CLSPN: variants seen among roughly 807,000 people sequenced by gnomAD.
The protein encoded by CLSPN is claspin.
CLSPN carries 85 observed loss-of-function variants against 156.3 expected under a neutral mutation model. That is an observed-to-expected ratio of 0.54 (90% CI 0.46 to 0.65). The LOEUF is 0.65. CLSPN is among the 30% of genes least tolerant of loss of function. The pLI is 0.00. For missense variants in CLSPN, 1,407 were observed against 1,554.9 expected, an observed-to-expected ratio of 0.90 and a Z score of 1.60; for synonymous variants, 534 against 542.4, an observed-to-expected ratio of 0.98 and a Z score of 0.22.
Position 35,760,827 on chromosome 1 carries a change from G to A in CLSPN, c.1094C>T (p.Ser365Phe). 1.2e-6 allele frequency: 2 copies of A among 1,613,884 alleles called. No individual in the cohort carries two copies. The highest frequency in any genetic ancestry group is 2.2e-5 in the East Asian group (1 of 44,892). Residue 365 changes from serine to phenylalanine, a missense_variant, in exon 8 of 25, where the codon TCT (serine) becomes TTT (phenylalanine). Transcript: ENST00000318121. ...ATTTTCTGCACCTGTTGTCTGCTCA[G>A]AACCTTTACTATGGTGATCACTGTT... is the stretch of plus-strand genomic sequence containing the variant. ...EMNSDHHSKG[S>F]EQTTGAENEV...
At chr1:35,761,942 T>C (rs1642493492) in intron 6 of CLSPN, 56 bp downstream of exon 6, 1 of 1,196,944 alleles carries the variant, frequency 8.4e-7, no homozygotes, top group Admixed American at 1.8e-5. Context: ...AACATCCAAG[T>C]TGAGCTTACA....
In CLSPN at chr1:35,760,448, C is replaced by A. The variant is rs749242182; in HGVS notation, c.1473G>T (p.Arg491=). 3 of 1,614,156 alleles carry A rather than the reference C, an allele frequency of 1.9e-6. No individual in the cohort carries two copies. The South Asian group carries it at 3.3e-5, about 18-fold the overall frequency. ...SAVGPPEKVR[R]FTLDRLKQLG... ...GTTGCTTAAGTCTATCCAGAGTAAA[C>A]CGTCTCACTTTTTCAGGTGGCCCAA... is the stretch of plus-strand genomic sequence containing the variant. Residue 491 remains arginine (R), a synonymous_variant, in exon 8 of 25, where the codon CGG becomes CGT. Transcript: ENST00000318121.
At chr1:35,738,991 G>T in intron 20 of CLSPN, 145 bp downstream of exon 20, 1 of 891,986 alleles carries the variant, frequency 1.1e-6, no homozygotes. Flanking sequence ...AGTAGGGACG[G>T]GGTTTCACCA....
Position 35,751,308 on chromosome 1 carries a change from T to C in CLSPN, c.1970A>G (p.Glu657Gly). 4 of 1,589,864 alleles carry C rather than the reference T, an allele frequency of 2.5e-6. No homozygotes were observed. The highest frequency in any genetic ancestry group is 3.4e-6 in the Non-Finnish European group (4 of 1,166,906). ...TTTCTCCTCCTCTTCCTCTAGTTCT[T>C]CCTCTTTCTCTTCTTTCTCTACCTT... Reference protein sequence around the residue: ...EEKVEKEEKEEELEEEEEKEE... With the variant: ...EEKVEKEEKEGELEEEEEKEE... The change falls in exon 10 of 25, where the codon GAA (glutamate) becomes GGA (glycine). Residue 657 changes from glutamate to glycine, a missense_variant. Physicochemically the swap from Glu to Gly is moderately conservative, Grantham distance 98. Coordinates refer to ENST00000318121, the MANE Select transcript of CLSPN (RefSeq NM_022111.4).
At chr1:35,743,282 T>C in intron 17 of CLSPN, 41 bp from the exon 18 acceptor site, 1 of 1,505,596 alleles carries the variant, frequency 6.6e-7, no homozygotes, top group Non-Finnish European at 9.2e-7. Context: ...CAGAATAAAA[T>C]GCGTCCTCAA....
At chr1:35,741,701 G>T (rs988652161) in intron 18 of CLSPN, among the ~76,000 whole-genome samples, 9 of 152,176 alleles carry the variant, frequency 5.9e-5, no homozygotes, top group African/African-American at 2.2e-4. Flanking sequence ...CCGGCCAGGT[G>T]GGGTGGCTCA....
chr1:35,754,602 C>A (rs991384014), intron 8 of CLSPN, among the ~76,000 whole-genome samples: 9 of 152,178 alleles, frequency 5.9e-5, no homozygotes, highest in Non-Finnish European at 1.3e-4. Context: ...CCACCTTGGC[C>A]TCCCAAAGTG....
At chr1:35,749,933 A>C in intron 10 of CLSPN, 122 bp from the exon 11 acceptor site, 1 of 1,155,206 alleles carries the variant, frequency 8.7e-7, no homozygotes, top group Non-Finnish European at 1.2e-6. Context: ...AAAAAGGTAA[A>C]CTTGAAGGAA....
In CLSPN at chr1:35,734,788, AG is replaced by A; in HGVS notation, c.*1707del. 1.0e-6 allele frequency: 1 copy of A among 985,208 alleles called. No homozygotes were observed. Among genetic ancestry groups the A allele is most frequent in the Non-Finnish European group, 1.2e-6 (1 of 829,772 alleles). The allele number at this position is 985,208 out of a possible 1,614,324, so 61.0% of individuals were successfully genotyped here. A position where few individuals can be genotyped will look rare whatever the true frequency, so the allele number is the denominator to read the frequency against. On this transcript the variant is annotated 3_prime_UTR_variant, in exon 25 of 25. Coordinates refer to ENST00000318121, the MANE Select transcript of CLSPN (RefSeq NM_022111.4). ...AATTAAATTGGTGTTCCCATCTCCC[AG>A]TAAAAAACTGGCACACTCTCTTCCA...
chr1:35,729,092 G>GT (rs1641258820), downstream of CLSPN, among the ~76,000 whole-genome samples: 2 of 152,000 alleles, frequency 1.3e-5, no homozygotes, highest in South Asian at 4.1e-4. Flanking sequence ...GATAAATAAC[G>GT]TAAGTTAAAT....
downstream of CLSPN, among the ~76,000 whole-genome samples, chr1:35,730,814 C>T (rs546655407): frequency 1.4e-4 from 21 of 151,922 alleles, no homozygotes; most frequent in East Asian, 2.3e-3. Context: ...GAGCTGAGAT[C>T]GTGCTACTGC....
At chr1:35,751,191 T>A in intron 10 of CLSPN, 59 bp downstream of exon 10, 2 of 1,558,224 alleles carry the variant, frequency 1.3e-6, no homozygotes, top group Non-Finnish European at 8.6e-7. Context: ...TTTTCAAGTC[T>A]GACTTTTTCT....
rs776144608 is a variant in CLSPN at position 35,743,130 on chromosome 1, A to G, written c.3143+11T>C. On this transcript the variant is annotated intron_variant, in intron 18 of 24. Coordinates refer to ENST00000318121, the MANE Select transcript of CLSPN (RefSeq NM_022111.4). ...TACACCTGAAGGAATGGACATATTA[A>G]TAACACGTACATTTGCCTTTTCAAC... 28 of 1,599,658 alleles carry G rather than the reference A, an allele frequency of 1.8e-5. No individual in the cohort carries two copies. Among genetic ancestry groups the G allele is most frequent in the Non-Finnish European group, 2.3e-5 (27 of 1,167,154 alleles).
intron 18 of CLSPN, 61 bp from the exon 19 acceptor site, chr1:35,739,590 G>C: frequency 2.4e-6 from 3 of 1,252,526 alleles, no homozygotes; most frequent in Non-Finnish European, 3.4e-6. Flanking sequence ...GAATATGGAA[G>C]CAAAGAAAAG....
intron 1 of CLSPN, 118 bp from the exon 2 acceptor site, chr1:35,765,444 A>C: frequency 3.2e-6 from 2 of 633,960 alleles, no homozygotes; most frequent in Non-Finnish European, 5.5e-6. Context: ...ACCAAATACA[A>C]TGGTTCCTTG....
At chr1:35,766,182 A>G (rs918812279) in intron 1 of CLSPN, among the ~76,000 whole-genome samples, 1 of 151,414 alleles carries the variant, frequency 6.6e-6, no homozygotes, top group Admixed American at 6.6e-5. Context: ...TTTAATAGAG[A>G]CAAGGTTTCA....
At chr1:35,750,267 G>C (rs1360002130) in intron 10 of CLSPN, among the ~76,000 whole-genome samples, 2 of 151,798 alleles carry the variant, frequency 1.3e-5, no homozygotes, top group Non-Finnish European at 2.9e-5. Context: ...CCACAACGAT[G>C]GGAGGATCAC....
intron 12 of CLSPN, 148 bp downstream of exon 12, chr1:35,749,319 T>C (rs960139853): frequency 2.9e-5 from 21 of 729,060 alleles, no homozygotes; most frequent in Non-Finnish European, 4.5e-5. Flanking sequence ...AGAAAAATAT[T>C]CTAATTCATA....
At chr1:35,748,812 T>G in intron 12 of CLSPN, 1 of 547,194 alleles carries the variant, frequency 1.8e-6, no homozygotes, top group East Asian at 3.4e-5. Context: ...AAGTGACACT[T>G]GAAAGTTCTT....
Sources: allele counts gnomAD v4.1 joint callset (sites outside exome capture counted in the v4.1 genomes callset), GRCh38; gene constraint gnomAD v4.1.1; transcripts MANE v1.5; gene names NCBI Gene and HGNC (gene_info 2026-07-23, HGNC 2026-07-21).